The following KCMF1 variants were observed in gnomAD, a reference collection of about 807,000 sequenced individuals.
KCMF1 encodes the protein E3 ubiquitin-protein ligase KCMF1.
A neutral mutation model predicts 41.1 loss-of-function variants in KCMF1; 3 were observed. The ratio of observed to expected loss-of-function variants is 0.07; its 90% confidence interval spans 0.03 to 0.19. The LOEUF (loss-of-function observed/expected upper bound fraction) is 0.19, where lower values mean the gene tolerates loss of function less well. KCMF1 is among the 10% of genes least tolerant of loss of function. The pLI, the probability that KCMF1 is intolerant of heterozygous loss-of-function variation, is 1.00. For synonymous variants in KCMF1, 142 were observed against 164.5 expected, an observed-to-expected ratio of 0.86 and a Z score of 1.04; for missense variants, 286 against 488.9, an observed-to-expected ratio of 0.58 and a Z score of 3.91.
At chr2:84,985,778 G>A (rs1207950377) in intron 1 of KCMF1, among the ~76,000 whole-genome samples, 1 of 150,442 alleles carries the variant, frequency 6.6e-6, no homozygotes, top group East Asian at 2.0e-4. Flanking sequence ...GCAGTGAGCC[G>A]AGATTGTGTC....
At chr2:85,006,096 A>AG in intron 1 of KCMF1, among the ~76,000 whole-genome samples, 1 of 151,794 alleles carries the variant, frequency 6.6e-6, no homozygotes, top group East Asian at 1.9e-4. Context: ...CTTAATGTTT[A>AG]GGAGCCCATT....
intron 1 of KCMF1, among the ~76,000 whole-genome samples, chr2:85,018,643 T>A (rs769290030): frequency 6.6e-6 from 1 of 152,138 alleles, no homozygotes. Context: ...GCAGAATATA[T>A]GTAGTATAAG....
chr2:84,992,631 T>C (rs899369161), intron 1 of KCMF1, among the ~76,000 whole-genome samples: 2 of 151,894 alleles, frequency 1.3e-5, no homozygotes, highest in African/African-American at 4.8e-5. Flanking sequence ...TGGTTTTTTT[T>C]TGTTTTTTGT....
Position 85,049,667 on chromosome 2 carries a change from G to A in KCMF1, c.884+19G>A, listed in dbSNP as rs1457731210. On this transcript the variant is annotated intron_variant, in intron 6 of 6. Transcript: ENST00000409785. ...TAACAAGGTAGCTCATTTGTTAATA[G>A]AATTTTGTTTGGGAAGTAATATTTT... 3.1e-6 allele frequency: 5 copies of A among 1,591,292 alleles called. No homozygotes were observed. In the African/African-American group the frequency reaches 6.7e-5, roughly 21 times the overall value.
At chr2:84,987,749 A>G (rs577522709) in intron 1 of KCMF1, among the ~76,000 whole-genome samples, 1 of 152,352 alleles carries the variant, frequency 6.6e-6, no homozygotes, top group Admixed American at 6.5e-5. Flanking sequence ...TCTAAGGATG[A>G]AAGCATAGAG....
intron 1 of KCMF1, among the ~76,000 whole-genome samples, chr2:85,024,105 A>T (rs1183907464): frequency 1.3e-5 from 2 of 152,202 alleles, no homozygotes; most frequent in African/African-American, 4.8e-5. Flanking sequence ...CTGAATACCA[A>T]ACTTTTGTCT....
chr2:85,021,879 C>T (rs1485235987), intron 1 of KCMF1, among the ~76,000 whole-genome samples: 1 of 151,990 alleles, frequency 6.6e-6, no homozygotes. Context: ...TACAATGGTG[C>T]GATCTCGGCT....
At chr2:85,000,478 G>A (rs751426967) in intron 1 of KCMF1, among the ~76,000 whole-genome samples, 146 of 152,202 alleles carry the variant, frequency 9.6e-4, no homozygotes, top group Non-Finnish European at 1.7e-3. Flanking sequence ...TGTTTCATAA[G>A]CCCCTTGTAA....
chr2:85,031,802 T>G (rs1558582161), intron 2 of KCMF1, among the ~76,000 whole-genome samples: 1 of 152,254 alleles, frequency 6.6e-6, no homozygotes, highest in Non-Finnish European at 1.5e-5. Flanking sequence ...ACTGCAGTGG[T>G]GCCATCATGG....
chr2:84,973,464 TC>T (rs1212561984), intron 1 of KCMF1, among the ~76,000 whole-genome samples: 1 of 152,186 alleles, frequency 6.6e-6, no homozygotes, highest in Non-Finnish European at 1.5e-5. Flanking sequence ...AGCACACCTT[TC>T]CTAGTAACTT....
intron 1 of KCMF1, among the ~76,000 whole-genome samples, chr2:85,010,062 A>G (rs766374114): frequency 1.3e-5 from 2 of 152,136 alleles, no homozygotes; most frequent in Non-Finnish European, 2.9e-5. Flanking sequence ...TCACATCCAG[A>G]ATTGTATTCC....
chr2:85,010,660 C>T (rs111372151), intron 1 of KCMF1, among the ~76,000 whole-genome samples: 2,536 of 152,138 alleles, frequency 0.017, 58 homozygotes, highest in African/African-American at 0.058. Context: ...TGACATGTGC[C>T]TAGTGGCTAC....
intron 1 of KCMF1, among the ~76,000 whole-genome samples, chr2:84,986,881 CAAAAAA>C (rs1192661086): frequency 6.6e-6 from 1 of 151,616 alleles, no homozygotes; most frequent in East Asian, 1.9e-4. Context: ...GACTCCGTCT[CAAAAAA>C]AAGAAAGAAA....
chr2:84,993,295 CATGACATAATA>C (rs1674092068), intron 1 of KCMF1, among the ~76,000 whole-genome samples: 1 of 152,050 alleles, frequency 6.6e-6, no homozygotes. Flanking sequence ...TCACTGTCCT[CATGACATAATA>C]GATGTGTTGG....
chr2:85,047,943 A>G (rs190248459), intron 5 of KCMF1, among the ~76,000 whole-genome samples: 21 of 152,306 alleles, frequency 1.4e-4, no homozygotes, highest in Admixed American at 4.6e-4. Context: ...AGGAGGAGAC[A>G]GCAGACACTG....
intron 3 of KCMF1, among the ~76,000 whole-genome samples, chr2:85,041,052 G>A (rs761109505): frequency 9.2e-5 from 14 of 152,036 alleles, no homozygotes; most frequent in Non-Finnish European, 2.1e-4. Context: ...GAGCCACCGT[G>A]CCTGGCCTAG....
At chr2:85,023,922 C>T (rs1675018113) in intron 1 of KCMF1, among the ~76,000 whole-genome samples, 1 of 152,136 alleles carries the variant, frequency 6.6e-6, no homozygotes, top group African/African-American at 2.4e-5. Flanking sequence ...AAAATGCTAG[C>T]TCACGGATGT....
At chr2:84,984,495 C>T (rs1673847786) in intron 1 of KCMF1, among the ~76,000 whole-genome samples, 3 of 151,748 alleles carry the variant, frequency 2.0e-5, no homozygotes, top group Admixed American at 6.6e-5. Flanking sequence ...GTTTCATGAC[C>T]TTTTATTTAT....
chr2:84,995,501 C>T (rs1172578957), intron 1 of KCMF1, among the ~76,000 whole-genome samples: 2 of 152,106 alleles, frequency 1.3e-5, no homozygotes, highest in Non-Finnish European at 2.9e-5. Context: ...CTTAGAATGT[C>T]TGGTTGTCTC....
Sources: gnomAD v4.1 joint callset for allele counts (sites outside exome capture counted in the v4.1 genomes callset) on GRCh38, gnomAD v4.1.1 for gene constraint, MANE v1.5 for transcripts, NCBI Gene and HGNC (gene_info 2026-07-23, HGNC 2026-07-21) for gene names.